DGKG: variants seen among roughly 807,000 people sequenced by gnomAD.
The protein encoded by DGKG is diacylglycerol kinase gamma.
Under a neutral mutation model 105.3 loss-of-function variants are expected in DGKG, and 78 were observed. The observed-to-expected ratio is 0.74, with a 90% CI of 0.62 to 0.89. DGKG has a LOEUF of 0.89. DGKG is among the 40% of genes least tolerant of loss of function. The probability of loss-of-function intolerance (pLI) is 0.00; values close to 1 mark genes in which losing one functional copy is unlikely to be tolerated. For missense variants in DGKG, 958 were observed against 1,020.1 expected (o/e 0.94, Z 0.83); for synonymous variants, 346 against 367.1 (o/e 0.94, Z 0.66).
intron 11 of DGKG, 126 bp downstream of exon 11, chr3:186,272,129 T>C (rs1722344123): frequency 1.1e-5 from 8 of 707,962 alleles, no homozygotes; most frequent in South Asian, 9.9e-5. Context: ...GGTTTACAGG[T>C]GGTCCTCAAG....
intron 1 of DGKG, among the ~76,000 whole-genome samples, chr3:186,335,790 C>G (rs186720029): frequency 6.6e-6 from 1 of 152,100 alleles, no homozygotes; most frequent in African/African-American, 2.4e-5. Context: ...GTATCACTTT[C>G]GCAACTACTA....
chr3:186,361,610 C>T lies in DGKG; in HGVS notation c.-249+336G>A, dbSNP rs1438326043. Among the ~76,000 whole-genome samples, 2 of 152,188 alleles carry T rather than the reference C, an allele frequency of 1.3e-5. No homozygotes were observed. Among genetic ancestry groups the T allele is most frequent in the Non-Finnish European group, 2.9e-5 (2 of 68,038 alleles). ...GATATCAAGGAGCCAAGGTTAAGTC[C>T]AGAAGAAGAAGGAAATCCGACCAGT... On this transcript the variant is annotated intron_variant, in intron 1 of 24. Coordinates refer to ENST00000265022, the MANE Select transcript of DGKG (RefSeq NM_001346.3). This position sits in a 1 kb window ranked among gnomAD's most constrained non-coding sequence, Gnocchi z 6.8.
rs1715607485 is a variant in DGKG, at chr3:186,148,638, A to G, written c.*1452T>C. On this transcript the variant is annotated 3_prime_UTR_variant, in exon 25 of 25. Transcript: ENST00000265022. Reference sequence around the variant, plus strand: ...GTAACGGCACCTACTCTCAAGCTGCATTAGCCAAGACACCATGGAAAAGTC... The same window carrying G: ...GTAACGGCACCTACTCTCAAGCTGCGTTAGCCAAGACACCATGGAAAAGTC... 2.0e-6 allele frequency: 2 copies of G among 985,242 alleles called. No individual in the cohort carries two copies. The highest frequency in any genetic ancestry group is 4.7e-5 in the South Asian group (1 of 21,290). The allele number at this position is 985,242 out of a possible 1,614,324, so 61.0% of individuals were successfully genotyped here.
chr3:186,259,815 T>A (rs1332670879), intron 16 of DGKG, among the ~76,000 whole-genome samples: 1 of 152,152 alleles, frequency 6.6e-6, no homozygotes, highest in Non-Finnish European at 1.5e-5. Flanking sequence ...CAGCTCACCA[T>A]TAGCCGCAGA....
intron 9 of DGKG, among the ~76,000 whole-genome samples, chr3:186,276,739 C>T (rs1722606325): frequency 6.6e-6 from 1 of 152,200 alleles, no homozygotes. Context: ...ATGTGCTATC[C>T]CTGAACTTTT....
At chr3:186,250,489 A>T (rs1721157383) in intron 19 of DGKG, among the ~76,000 whole-genome samples, 1 of 152,042 alleles carries the variant, frequency 6.6e-6, no homozygotes, top group Non-Finnish European at 1.5e-5. Context: ...TTAAAATAAA[A>T]GTTTAGGGAA....
chr3:186,354,082 A>T (rs976900988), intron 1 of DGKG, among the ~76,000 whole-genome samples: 1 of 152,104 alleles, frequency 6.6e-6, no homozygotes, highest in African/African-American at 2.4e-5. Context: ...ATCCTTGTTG[A>T]TGAGACTTTT....
intron 5 of DGKG, 28 bp downstream of exon 5, chr3:186,297,393 C>T: frequency 1.3e-6 from 2 of 1,579,964 alleles, no homozygotes; most frequent in Non-Finnish European, 1.7e-6. Flanking sequence ...CCTACTTTTC[C>T]CACAAGTCTT....
chr3:186,310,307 GAAT>G (rs1724479880), intron 2 of DGKG, among the ~76,000 whole-genome samples: 1 of 103,266 alleles, frequency 9.7e-6, no homozygotes, highest in Admixed American at 1.1e-4. Context: ...CACACAACAA[GAAT>G]CCAGGAGGTT....
chr3:186,199,988 T>C (rs749484962), intron 21 of DGKG, among the ~76,000 whole-genome samples: 1 of 152,208 alleles, frequency 6.6e-6, no homozygotes, highest in African/African-American at 2.4e-5. Context: ...ATGCTCCCGA[T>C]GCCTCTTACT....
intron 18 of DGKG, 28 bp downstream of exon 18, chr3:186,253,065 G>C: frequency 6.2e-7 from 1 of 1,603,814 alleles, no homozygotes; most frequent in Non-Finnish European, 8.5e-7. Context: ...CCTGTTCCCA[G>C]GGTACCACCA....
intron 19 of DGKG, among the ~76,000 whole-genome samples, chr3:186,250,126 C>T (rs1168637366): frequency 4.6e-5 from 7 of 152,094 alleles, no homozygotes; most frequent in Admixed American, 1.3e-4. Context: ...TCAAGGGTCT[C>T]GAAGCCTCAT....
At chr3:186,360,081 C>T (rs961935754) in intron 1 of DGKG, among the ~76,000 whole-genome samples, 1 of 152,120 alleles carries the variant, frequency 6.6e-6, no homozygotes, top group East Asian at 1.9e-4. Context: ...CAGAGGCTCA[C>T]ACATGCACAG....
chr3:186,190,843 A>T (rs551964548), intron 21 of DGKG, among the ~76,000 whole-genome samples: 2 of 152,356 alleles, frequency 1.3e-5, no homozygotes, highest in Admixed American at 6.5e-5. Flanking sequence ...ATAAAAGGAA[A>T]AAACAGTGAC....
intron 1 of DGKG, among the ~76,000 whole-genome samples, chr3:186,338,864 A>G (rs1277217184): frequency 6.6e-6 from 1 of 152,230 alleles, no homozygotes; most frequent in Non-Finnish European, 1.5e-5. Flanking sequence ...TGCATGGAAC[A>G]TATCAATGTA....
chr3:186,250,557 C>CTTTTTTT (rs10529645), intron 19 of DGKG, among the ~76,000 whole-genome samples: 1 of 116,178 alleles, frequency 8.6e-6, no homozygotes, highest in Admixed American at 1.0e-4. Flanking sequence ...TTCTGTCATT[C>CTTTTTTT]TTTTTTTTTT....
chr3:186,288,272 A>G (rs1462909917), intron 6 of DGKG, among the ~76,000 whole-genome samples: 1 of 152,232 alleles, frequency 6.6e-6, no homozygotes, highest in African/African-American at 2.4e-5. Flanking sequence ...AGATCTCAAG[A>G]AAAGAATATT....
chr3:186,299,794 T>TTTC (rs1723795250), intron 3 of DGKG, among the ~76,000 whole-genome samples: 1 of 85,268 alleles, frequency 1.2e-5, no homozygotes, highest in Non-Finnish European at 2.4e-5. Context: ...TCTTTCTTTC[T>TTTC]TTCTTTCTTT....
rs538447302 is a variant in DGKG, at chr3:186,344,510, C to T, written c.-249+17436G>A. ...GAAAACCAAATGCTACATGTTCTCA[C>T]TTACAAGTGGGAGCTAAATGATAAG... On this transcript the variant is annotated intron_variant, in intron 1 of 24. Transcript: ENST00000265022. Among the ~76,000 whole-genome samples the T allele has an allele frequency of 3.9e-5, 6 of 152,286 alleles. No individual in the cohort carries two copies. The East Asian group carries it at 1.2e-3, about 29-fold the overall frequency.
Sources: allele counts gnomAD v4.1 joint callset (sites outside exome capture counted in the v4.1 genomes callset), GRCh38; gene constraint gnomAD v4.1.1; non-coding constraint Gnocchi (gnomAD v3.1); transcripts MANE v1.5; gene names NCBI Gene and HGNC (gene_info 2026-07-23, HGNC 2026-07-21).